Variants in CHD6 observed in about 807,000 individuals in gnomAD.
CHD6 encodes the protein ATP-dependent chromatin remodeler CHD6.
CHD6 carries 50 observed loss-of-function variants against 276.9 expected under a neutral mutation model. The ratio of observed to expected loss-of-function variants is 0.18; its 90% CI spans 0.14 to 0.23. The LOEUF (loss-of-function observed/expected upper bound fraction) is 0.23. CHD6 is among the 10% of genes least tolerant of loss of function. The pLI is 1.00. For synonymous variants in CHD6, 1,173 were observed against 1,229.3 expected, an observed-to-expected ratio of 0.95 and a Z score of 0.96; for missense variants, 2,564 against 3,365.8, an observed-to-expected ratio of 0.76 and a Z score of 5.89.
rs772607099 is a variant in CHD6, at chr20:41,486,954, T to C, written c.2001+711A>G. On this transcript the variant is annotated intron_variant, in intron 14 of 36. Transcript: ENST00000373233. ...AAATTGTACTCTCTCCCTAGAGTCTTTTCTAATTCTCAAATAGATGTAACC... is the reference window on the plus strand; with the variant it reads ...AAATTGTACTCTCTCCCTAGAGTCTCTTCTAATTCTCAAATAGATGTAACC... Among the ~76,000 whole-genome samples, 116 of 152,194 alleles carry C rather than the reference T, an allele frequency of 7.6e-4. 1 individual carries two copies. The highest frequency in any genetic ancestry group is 9.8e-4 in the Admixed American group (15 of 15,282).
intron 25 of CHD6, among the ~76,000 whole-genome samples, chr20:41,443,193 T>G (rs938612376): frequency 5.9e-5 from 9 of 152,184 alleles, no homozygotes; most frequent in African/African-American, 2.2e-4. Context: ...AAACACAAAT[T>G]AATTTATACT....
At chr20:41,517,944 T>C (rs1268431141) in intron 3 of CHD6, among the ~76,000 whole-genome samples, 2 of 152,214 alleles carry the variant, frequency 1.3e-5, no homozygotes, top group African/African-American at 4.8e-5. Flanking sequence ...ACTTCAAATA[T>C]CCTTTAATGT....
In CHD6 at chr20:41,595,819, G is replaced by A. The variant is rs184022630; in HGVS notation, c.-24+22521C>T. 9.9e-4 allele frequency among the ~76,000 whole-genome samples: 149 copies of A among 150,934 alleles called. 1 individual carries two copies. Among genetic ancestry groups the A allele is most frequent in the Non-Finnish European group, 3.5e-4 (24 of 67,730 alleles). On this transcript the variant is annotated intron_variant, in intron 1 of 36. Coordinates refer to ENST00000373233, the MANE Select transcript of CHD6 (RefSeq NM_032221.5). ...GTTTGCTTTTTTTTTTGGCCAGTTTGGGTCAAATGAGGATTGGATTTGTCA... is the reference window on the plus strand; with the variant it reads ...GTTTGCTTTTTTTTTTGGCCAGTTTAGGTCAAATGAGGATTGGATTTGTCA...
intron 2 of CHD6, among the ~76,000 whole-genome samples, chr20:41,537,586 A>T (rs1478285213): frequency 2.6e-5 from 4 of 152,224 alleles, no homozygotes; most frequent in Non-Finnish European, 4.4e-5. Flanking sequence ...AATATTTGCA[A>T]ATCATTTATC....
chr20:41,599,664 G>A (rs1207570816), intron 1 of CHD6, among the ~76,000 whole-genome samples: 2 of 152,154 alleles, frequency 1.3e-5, no homozygotes, highest in Non-Finnish European at 2.9e-5. Flanking sequence ...ATAAACTCAA[G>A]AGGGGGAAAT....
At chr20:41,474,760 C>T in intron 16 of CHD6, among the ~76,000 whole-genome samples, 1 of 152,110 alleles carries the variant, frequency 6.6e-6, no homozygotes, top group East Asian at 1.9e-4. Context: ...ATGATCTTGA[C>T]TTCCTTGAAG....
chr20:41,531,010 T>A (rs1645513387), intron 3 of CHD6, among the ~76,000 whole-genome samples: 1 of 152,246 alleles, frequency 6.6e-6, no homozygotes, highest in Non-Finnish European at 1.5e-5. Flanking sequence ...AGACTGTACA[T>A]TTTCACTAGA....
chr20:41,417,409 C>A, intron 31 of CHD6, 60 bp from the exon 32 acceptor site: 1 of 1,440,054 alleles, frequency 6.9e-7, no homozygotes. Flanking sequence ...TACTAGTGAT[C>A]TGAGAGATTA....
chr20:41,572,846 G>A (rs1042461775), intron 1 of CHD6, among the ~76,000 whole-genome samples: 2 of 152,138 alleles, frequency 1.3e-5, no homozygotes, highest in African/African-American at 4.8e-5. Context: ...ATTATCTGAA[G>A]TTATTCAACT....
intron 27 of CHD6, among the ~76,000 whole-genome samples, chr20:41,434,490 C>T (rs1015207949): frequency 6.6e-6 from 1 of 152,124 alleles, no homozygotes; most frequent in Non-Finnish European, 1.5e-5. Flanking sequence ...CATGCCTCAG[C>T]CTCCTGAGTA....
intron 2 of CHD6, among the ~76,000 whole-genome samples, chr20:41,548,971 T>G (rs112580130): frequency 0.63 from 95,774 of 151,832 alleles, 32,930 homozygotes; most frequent in East Asian, 0.91. Context: ...TAGAATGGCG[T>G]TCATTAAAAA....
intron 1 of CHD6, among the ~76,000 whole-genome samples, chr20:41,573,454 TAC>T (rs2045440202): frequency 6.6e-6 from 1 of 152,222 alleles, no homozygotes; most frequent in Non-Finnish European, 1.5e-5. Flanking sequence ...TGTATTATGT[TAC>T]ACAACAACCC....
chr20:41,616,033 G>A (rs946355824), intron 1 of CHD6, among the ~76,000 whole-genome samples: 1 of 152,186 alleles, frequency 6.6e-6, no homozygotes, highest in African/African-American at 2.4e-5. Flanking sequence ...ATATGATTCT[G>A]CTTCAGGTTT....
At chr20:41,588,843 T>C (rs1391128067) in intron 1 of CHD6, among the ~76,000 whole-genome samples, 2 of 152,218 alleles carry the variant, frequency 1.3e-5, no homozygotes, top group Admixed American at 6.5e-5. Context: ...TAAAATTATT[T>C]TGTTGAAATA....
intron 11 of CHD6, among the ~76,000 whole-genome samples, 164 bp from the exon 12 acceptor site, chr20:41,490,185 T>A (rs1251355031): frequency 3.3e-5 from 5 of 152,200 alleles, no homozygotes; most frequent in African/African-American, 1.2e-4. Flanking sequence ...TTATTCCTAC[T>A]TTGCCTACTT....
chr20:41,453,052 T>C (rs977685931), intron 20 of CHD6, 110 bp from the exon 21 acceptor site: 16 of 813,178 alleles, frequency 2.0e-5, no homozygotes, highest in South Asian at 1.6e-5. Context: ...CCCCGTCTCA[T>C]CCTCCAGCAC....
chr20:41,512,694 T>G, intron 5 of CHD6, 152 bp downstream of exon 5: 1 of 839,344 alleles, frequency 1.2e-6, no homozygotes, highest in Non-Finnish European at 1.9e-6. Flanking sequence ...AGTCTGAATG[T>G]CATTCCCAAT....
At chr20:41,569,088 T>A (rs1019838045) in intron 1 of CHD6, among the ~76,000 whole-genome samples, 4 of 152,160 alleles carry the variant, frequency 2.6e-5, no homozygotes, top group African/African-American at 9.7e-5. Context: ...GGACATGGCA[T>A]GAGGTGACCA....
intron 5 of CHD6, among the ~76,000 whole-genome samples, chr20:41,512,481 C>A (rs557172399): frequency 6.6e-6 from 1 of 151,406 alleles, no homozygotes. Context: ...AAACCAGTCA[C>A]GTAAAGCATC....
Sources: gnomAD v4.1 joint callset for allele counts (sites outside exome capture counted in the v4.1 genomes callset) on GRCh38, gnomAD v4.1.1 for gene constraint, MANE v1.5 for transcripts, NCBI Gene and HGNC (gene_info 2026-07-23, HGNC 2026-07-21) for gene names.